Variants in RANBP2 observed in about 807,000 individuals in gnomAD.
The protein encoded by RANBP2 is RAN binding protein 2, also known as E3 SUMO-protein ligase RanBP2.
A neutral mutation model predicts 303.6 loss-of-function variants in RANBP2; 57 were observed. The ratio of observed to expected loss-of-function variants is 0.19; its 90% CI spans 0.15 to 0.23. RANBP2 has a LOEUF of 0.23. Ranked by LOEUF, RANBP2 falls within the 10% of genes least tolerant of loss-of-function variation. The pLI is 1.00. For synonymous variants in RANBP2, 1,167 were observed against 1,301.5 expected (o/e 0.90, Z 2.23); for missense variants, 3,138 against 3,780.8 (o/e 0.83, Z 4.46).
At chr2:108,775,670 T>C in intron 23 of RANBP2, 62 bp from the exon 24 acceptor site, 1 of 1,550,740 alleles carries the variant, frequency 6.4e-7, no homozygotes, top group Non-Finnish European at 8.9e-7. Flanking sequence ...AAATAGATTA[T>C]ATAATCTGTT....
the RANBP2 span, among the ~76,000 whole-genome samples, chr2:108,871,763 A>G: frequency 6.6e-6 from 1 of 152,188 alleles, no homozygotes; most frequent in Non-Finnish European, 1.5e-5. Flanking sequence ...AATGTATTGC[A>G]CTTTTCATCT....
the RANBP2 span, among the ~76,000 whole-genome samples, chr2:109,529,009 G>C: frequency 6.6e-6 from 1 of 152,206 alleles, no homozygotes; most frequent in African/African-American, 2.4e-5. Flanking sequence ...CTCCACTATA[G>C]GATAAGCTTG....
chr2:109,656,145 C>G, the RANBP2 span, among the ~76,000 whole-genome samples: 1 of 152,304 alleles, frequency 6.6e-6, no homozygotes, highest in East Asian at 1.9e-4. Context: ...TCTGCAGTAT[C>G]TTTGCTACTG....
the RANBP2 span, among the ~76,000 whole-genome samples, chr2:109,219,829 T>C: frequency 6.6e-6 from 1 of 152,202 alleles, no homozygotes; most frequent in Non-Finnish European, 1.5e-5. Flanking sequence ...AGACTTAATA[T>C]TGTTGAGATG....
the RANBP2 span, among the ~76,000 whole-genome samples, chr2:109,075,715 TA>T: frequency 6.7e-6 from 1 of 150,136 alleles, no homozygotes; most frequent in Non-Finnish European, 1.5e-5. Context: ...ACATATTGGA[TA>T]AAGTAGAAGA....
At chr2:109,134,508 T>A in the RANBP2 span, among the ~76,000 whole-genome samples, 1 of 152,182 alleles carries the variant, frequency 6.6e-6, no homozygotes, top group Non-Finnish European at 1.5e-5. Context: ...GAGCACCCAG[T>A]GGGACCAGGT....
chr2:108,849,866 T>C, the RANBP2 span, among the ~76,000 whole-genome samples: 1 of 152,220 alleles, frequency 6.6e-6, no homozygotes, highest in African/African-American at 2.4e-5. Flanking sequence ...GCCTGAATGC[T>C]GATGAGTCTC....
rs1676865538 is a variant in RANBP2, at chr2:108,763,262, T to G, written c.2723T>G (p.Leu908Arg). ...GGCCCAGTCTATGGCATGAATAGGC[T>G]TCCACCCCAACAGCATATTTATGCC... ...TKGPVYGMNR[L>R]PPQQHIYAYP... Residue 908 changes from leucine to arginine, a missense_variant, in exon 20 of 29, where the codon CTT becomes CGT. Leu to Arg is a moderately radical substitution (Grantham distance 102). This residue lies in a region of RANBP2 where 403 missense variants were observed against 376.7 expected (regional missense o/e 1.07). Transcript: ENST00000283195. 6.2e-7 allele frequency: 1 copy of G among 1,613,764 alleles called. No homozygotes were observed. The highest frequency in any genetic ancestry group is 8.5e-7 in the Non-Finnish European group (1 of 1,179,920).
intron 9 of RANBP2, among the ~76,000 whole-genome samples, chr2:108,750,009 G>T (rs1159884482): frequency 6.6e-6 from 1 of 152,228 alleles, no homozygotes. Context: ...AATTATCCGG[G>T]GGTGGTGGCA....
chr2:109,577,598 T>TAAAA, the RANBP2 span, among the ~76,000 whole-genome samples: 2 of 133,310 alleles, frequency 1.5e-5, no homozygotes, highest in East Asian at 4.3e-4. Context: ...CCTCAAAATT[T>TAAAA]AAAAAAAAAA....
chr2:109,462,197 T>G, the RANBP2 span, among the ~76,000 whole-genome samples: 1 of 149,774 alleles, frequency 6.7e-6, no homozygotes, highest in South Asian at 2.2e-4. Context: ...TATGACATCT[T>G]GAGGAAGGCA....
chr2:109,688,250 G>C, the RANBP2 span, among the ~76,000 whole-genome samples: 8 of 152,192 alleles, frequency 5.3e-5, no homozygotes, highest in Non-Finnish European at 1.0e-4. Context: ...CTGTGGATGA[G>C]ATCTTGGGGT....
chr2:108,775,898 C>T lies in RANBP2; in HGVS notation c.8459C>T (p.Ser2820Leu). 6.2e-7 allele frequency: 1 copy of T among 1,612,240 alleles called. No individual in the cohort carries two copies. The change falls in exon 24 of 29, where the codon TCA becomes TTA. Residue 2820 changes from serine (S) to leucine (L), a missense_variant. Coordinates refer to ENST00000283195, the MANE Select transcript of RANBP2 (RefSeq NM_006267.5). Reference sequence around the variant, plus strand: ...ACTATGGACAAACCTGTAGATTTGTCAACTAGAAAGGAAATTGATACAGAT... The same window carrying T: ...ACTATGGACAAACCTGTAGATTTGTTAACTAGAAAGGAAATTGATACAGAT... ...SETMDKPVDLSTRKEIDTDST... is the reference protein window; with the variant it reads ...SETMDKPVDLLTRKEIDTDST...
the RANBP2 span, among the ~76,000 whole-genome samples, chr2:109,177,549 T>TGG: frequency 1.3e-5 from 2 of 150,026 alleles, no homozygotes; most frequent in East Asian, 2.0e-4. Flanking sequence ...TCACCTGCTC[T>TGG]GGGGGGGGGC....
chr2:109,648,715 G>T, the RANBP2 span, among the ~76,000 whole-genome samples: 1 of 149,854 alleles, frequency 6.7e-6, no homozygotes, highest in Non-Finnish European at 1.5e-5. Context: ...GTGCAGTGGC[G>T]TGATCTTGGC....
the RANBP2 span, among the ~76,000 whole-genome samples, chr2:108,962,592 G>A: frequency 1.3e-4 from 19 of 149,726 alleles, no homozygotes; most frequent in South Asian, 2.3e-3. Context: ...GGAGAATGGC[G>A]TGAACCCAGG....
chr2:109,335,233 TGTGGGGCAAGGCCCCTC>T, the RANBP2 span, among the ~76,000 whole-genome samples: 1 of 152,250 alleles, frequency 6.6e-6, no homozygotes, highest in Non-Finnish European at 1.5e-5. Context: ...CTGTGGGGAC[TGTGGGGCAAGGCCCCTC>T]GCCCGTCCCA....
At chr2:109,631,486 T>G in the RANBP2 span, among the ~76,000 whole-genome samples, 1 of 152,340 alleles carries the variant, frequency 6.6e-6, no homozygotes, top group East Asian at 1.9e-4. Flanking sequence ...CCGGGTGCAG[T>G]GGCTCCCACC....
the RANBP2 span, among the ~76,000 whole-genome samples, chr2:109,439,822 C>T: frequency 2.0e-5 from 3 of 151,934 alleles, no homozygotes; most frequent in Non-Finnish European, 2.9e-5. Flanking sequence ...ATTTCCACCC[C>T]GGTTAGAGAG....
Sources: allele counts gnomAD v4.1 joint callset (sites outside exome capture counted in the v4.1 genomes callset), GRCh38; gene constraint gnomAD v4.1.1; regional missense constraint gnomAD v4.1.1; transcripts MANE v1.5; gene names NCBI Gene and HGNC (gene_info 2026-07-23, HGNC 2026-07-21).